Variants in UGT1A5 observed in about 807,000 individuals in gnomAD.
UGT1A5 encodes UDP glucuronosyltransferase family 1 member A5.
UGT1A5 carries 29 observed loss-of-function variants against 40.3 expected under a neutral mutation model. The observed-to-expected ratio is 0.72, with a 90% CI of 0.54 to 0.98. UGT1A5 has a LOEUF of 0.98. Among genes scored for constraint, UGT1A5 ranks in the 50% least tolerant of loss-of-function variants. The pLI, the probability that UGT1A5 is intolerant of heterozygous loss-of-function variation, is 0.00. For synonymous variants in UGT1A5, 257 were observed against 262.5 expected (o/e 0.98, Z 0.20); for missense variants, 678 against 677.9 (o/e 1.00, Z 0.00).
At chr2:233,764,822 A>G (rs963945721) in intron 1 of UGT1A5, among the ~76,000 whole-genome samples, 3 of 152,082 alleles carry the variant, frequency 2.0e-5, no homozygotes, top group Non-Finnish European at 4.4e-5. Flanking sequence ...AAAATGCAGC[A>G]TGGTGGTGGG....
intron 1 of UGT1A5, chr2:233,754,408 C>A (rs1318751129): frequency 2.9e-6 from 1 of 340,794 alleles, no homozygotes; most frequent in South Asian, 2.4e-5. Flanking sequence ...GCAGTCCCAA[C>A]AATAAAGACA....
chr2:233,766,272 G>C (rs1351320268), intron 1 of UGT1A5, among the ~76,000 whole-genome samples: 4 of 68,008 alleles, frequency 5.9e-5, no homozygotes, highest in Admixed American at 5.5e-4. Flanking sequence ...CCCGGGCTCG[G>C]TGGCCCGGGC....
intron 1 of UGT1A5, chr2:233,760,769 C>A: frequency 3.7e-6 from 6 of 1,614,028 alleles, no homozygotes; most frequent in Non-Finnish European, 5.1e-6. Flanking sequence ...CCCATCGTGG[C>A]CCAGTACCTG....
chr2:233,746,231 A>C, intron 1 of UGT1A5, among the ~76,000 whole-genome samples: 1 of 151,848 alleles, frequency 6.6e-6, no homozygotes, highest in Non-Finnish European at 1.5e-5. Context: ...AGATATGCAA[A>C]CTGCTAAAAG....
At chr2:233,742,045 T>C (rs1691854275) in intron 1 of UGT1A5, 1 of 151,932 alleles carries the variant, frequency 6.6e-6, no homozygotes, top group South Asian at 2.1e-4. Context: ...AGCATAGCAA[T>C]AGGATAGTTC....
At chr2:233,753,869 G>A (rs1051497204) in intron 1 of UGT1A5, among the ~76,000 whole-genome samples, 1 of 152,142 alleles carries the variant, frequency 6.6e-6, no homozygotes, top group African/African-American at 2.4e-5. Context: ...TAACCCCAAG[G>A]TCTGTCCTCA....
chr2:233,722,763 C>A (rs370007116), intron 1 of UGT1A5, among the ~76,000 whole-genome samples: 2 of 151,548 alleles, frequency 1.3e-5, no homozygotes, highest in African/African-American at 4.9e-5. Context: ...AAGGCTGTTA[C>A]CTAATTCTGA....
rs1299341019 is a variant in UGT1A5, at chr2:233,713,633, G to A, written c.642G>A (p.Met214Ile). The A allele has an allele frequency of 3.1e-6, 5 of 1,613,960 alleles. No homozygotes were observed. Among genetic ancestry groups the A allele is most frequent in the Non-Finnish European group, 2.5e-6 (3 of 1,179,866 alleles). ...HMTFLQRVKNMLYPLALSYLC... is the reference protein window; with the variant it reads ...HMTFLQRVKNILYPLALSYLC... ...CATTCCTGCAAAGGGTCAAGAACAT[G>A]CTCTACCCTCTGGCCCTGTCCTACC... The change falls in exon 1 of 5, where the codon ATG (methionine) becomes ATA (isoleucine). Residue 214 changes from methionine (M) to isoleucine (I), a missense_variant. By Grantham distance (10) the Met-to-Ile change is conservative. Transcript: ENST00000373414.
At position 233,768,294 on chromosome 2, in the gene UGT1A5, C is replaced by T. The variant is rs901936528; in HGVS notation, c.1162C>T (p.Pro388Ser). The T allele has an allele frequency of 2.5e-6, 4 of 1,614,146 alleles. No individual in the cohort carries two copies. Among genetic ancestry groups the T allele is most frequent in the Non-Finnish European group, 3.4e-6 (4 of 1,180,048 alleles). The change falls in exon 4 of 5, where the codon CCC becomes TCC. Residue 388 changes from proline to serine, a missense_variant. Physicochemically the swap from Pro to Ser is moderately conservative, Grantham distance 74. Transcript: ENST00000373414. ...TTATGAAAGCATATGCAATGGCGTTCCCATGGTGATGATGCCCTTGTTTGG... is the reference window on the plus strand; with the variant it reads ...TTATGAAAGCATATGCAATGGCGTTTCCATGGTGATGATGCCCTTGTTTGG... ...GVYESICNGV[P>S]MVMMPLFGDQ...
chr2:233,729,639 T>A (rs765411725), intron 1 of UGT1A5: 2 of 1,613,956 alleles, frequency 1.2e-6, no homozygotes, highest in South Asian at 2.2e-5. Flanking sequence ...CTACTGTGTT[T>A]TTTTTGAGGA....
At chr2:233,717,925 A>C (rs1037002174) in intron 1 of UGT1A5, 1 of 454,728 alleles carries the variant, frequency 2.2e-6, no homozygotes, top group Non-Finnish European at 4.4e-6. Flanking sequence ...ATGAATGGAT[A>C]CTTCAGTCTC....
intron 1 of UGT1A5, chr2:233,719,396 C>T: frequency 6.2e-7 from 1 of 1,613,966 alleles, no homozygotes; most frequent in Non-Finnish European, 8.5e-7. Flanking sequence ...ATCCTTCCTC[C>T]TATATTCCTA....
In UGT1A5 at chr2:233,769,851, C is replaced by A; in HGVS notation, c.1307+1412C>A. On this transcript the variant is annotated intron_variant, in intron 4 of 4. Coordinates refer to ENST00000373414, the MANE Select transcript of UGT1A5 (RefSeq NM_019078.2). The surrounding 1 kb of genome is among the most constrained non-coding windows in gnomAD (Gnocchi z 4.4). ...GCAACCTGGGCAACAGAGTGAGACC[C>A]TGTCTCAAAAAAAAAAAAAAAAATG... The A allele has an allele frequency of 2.1e-6, 1 of 479,202 alleles. No homozygotes were observed. Among genetic ancestry groups the A allele is most frequent in the Non-Finnish European group, 3.3e-6 (1 of 301,676 alleles). The allele number at this position is 479,202 out of a possible 1,614,324, so 29.7% of individuals were successfully genotyped here. A position where few individuals can be genotyped will look rare whatever the true frequency, so the allele number is the denominator to read the frequency against.
At chr2:233,757,721 G>A (rs1696705329) in intron 1 of UGT1A5, among the ~76,000 whole-genome samples, 1 of 151,638 alleles carries the variant, frequency 6.6e-6, no homozygotes, top group Non-Finnish European at 1.5e-5. Flanking sequence ...GGAGGGTCCT[G>A]TAGATGATCT....
At chr2:233,748,180 G>A in intron 1 of UGT1A5, 2 of 1,578,368 alleles carry the variant, frequency 1.3e-6, no homozygotes, top group South Asian at 2.4e-5. Flanking sequence ...TCTTTCTGGT[G>A]CTTTTATTTC....
chr2:233,748,321 A>G (rs1693916793), intron 1 of UGT1A5, among the ~76,000 whole-genome samples: 1 of 151,726 alleles, frequency 6.6e-6, no homozygotes, highest in African/African-American at 2.4e-5. Flanking sequence ...ACTAGGACTG[A>G]TGTGACTCAT....
intron 1 of UGT1A5, among the ~76,000 whole-genome samples, chr2:233,751,639 C>T (rs967910288): frequency 6.6e-6 from 1 of 152,174 alleles, no homozygotes; most frequent in African/African-American, 2.4e-5. Context: ...CAGTTTCCCC[C>T]TTGCTGTTCT....
intron 2 of UGT1A5, 116 bp downstream of exon 2, chr2:233,767,281 C>T: frequency 6.4e-7 from 1 of 1,571,624 alleles, no homozygotes; most frequent in Non-Finnish European, 8.6e-7. Flanking sequence ...TTTTCCCTGC[C>T]ACTTCCCAAC....
chr2:233,729,564 T>C (rs537662273), intron 1 of UGT1A5: 126 of 1,614,046 alleles, frequency 7.8e-5, no homozygotes, highest in Non-Finnish European at 1.0e-4. Context: ...CTACTTCCTT[T>C]GATGTGGTTT....
Sources: allele counts gnomAD v4.1 joint callset (sites outside exome capture counted in the v4.1 genomes callset), GRCh38; gene constraint gnomAD v4.1.1; non-coding constraint Gnocchi (gnomAD v3.1); transcripts MANE v1.5; gene names NCBI Gene and HGNC (gene_info 2026-07-23, HGNC 2026-07-21).